The following CLTRN variants were observed in gnomAD, a reference collection of about 807,000 sequenced individuals.
The protein encoded by CLTRN is collectrin, amino acid transport regulator.
A neutral mutation model predicts 14.5 loss-of-function variants in CLTRN; 12 were observed. That is an observed-to-expected ratio of 0.83 (90% CI 0.53 to 1.34). CLTRN has a LOEUF of 1.34. Among genes scored for constraint, CLTRN ranks in the 40% most tolerant of loss-of-function variants. The pLI is 0.00. For synonymous variants in CLTRN, 58 were observed against 56.5 expected (o/e 1.03, Z -0.12); for missense variants, 154 against 165.1 (o/e 0.93, Z 0.37).
chrX:15,674,410 T>C (rs1929779534), intron 1 of CLTRN, among the ~76,000 whole-genome samples: 1 of 111,421 alleles, frequency 9.0e-6, no homozygotes, highest in East Asian at 2.8e-4. Flanking sequence ...ACTCCATGTA[T>C]CTCCCTAGCA....
chrX:15,631,488 G>C (rs1004791732), intron 5 of CLTRN, among the ~76,000 whole-genome samples: 1 of 112,040 alleles, frequency 8.9e-6, no homozygotes, highest in African/African-American at 3.2e-5. Context: ...AGAGCTAGAC[G>C]TATGTGATGA....
chrX:15,661,626 T>A (rs1365035328), intron 2 of CLTRN, among the ~76,000 whole-genome samples: 4 of 112,465 alleles, frequency 3.6e-5, no homozygotes, highest in Non-Finnish European at 7.5e-5. Context: ...TAAGAGAGGA[T>A]AAGGTAAGAG....
intron 3 of CLTRN, among the ~76,000 whole-genome samples, chrX:15,653,227 T>G (rs1877924): frequency 0.28 from 30,991 of 110,491 alleles, 3,611 homozygotes; most frequent in East Asian, 0.52. Context: ...GGGTTGGGTG[T>G]TGAAGAGTGC....
At chrX:15,649,201 A>G (rs1929160067) in intron 3 of CLTRN, among the ~76,000 whole-genome samples, 1 of 111,802 alleles carries the variant, frequency 8.9e-6, no homozygotes, top group South Asian at 3.7e-4. Context: ...GGAAGGGCAT[A>G]CAACTCCATC....
chrX:15,667,903 A>G (rs1452983119), upstream of CLTRN, among the ~76,000 whole-genome samples: 2 of 112,028 alleles, frequency 1.8e-5, no homozygotes, highest in East Asian at 5.6e-4. Flanking sequence ...TAAAAGTGAC[A>G]AATTTCTTCA....
chrX:15,653,312 G>A (rs1373159132), intron 3 of CLTRN, among the ~76,000 whole-genome samples: 1 of 109,297 alleles, frequency 9.1e-6, no homozygotes, highest in East Asian at 2.9e-4. Context: ...AATGGATCAC[G>A]GTGGCCTTTT....
chrX:15,655,256 A>C (rs988454846), intron 3 of CLTRN, among the ~76,000 whole-genome samples: 13 of 112,089 alleles, frequency 1.2e-4, no homozygotes, highest in Non-Finnish European at 2.3e-4. Context: ...TAGATAAGGA[A>C]AGGCCAAATT....
chrX:15,663,319 T>C (rs1000243344), intron 2 of CLTRN, among the ~76,000 whole-genome samples: 1 of 112,267 alleles, frequency 8.9e-6, no homozygotes, highest in East Asian at 2.8e-4. Context: ...TGCACACTAG[T>C]AGAGACAGTG....
At chrX:15,642,498 T>C (rs1474317333) in intron 4 of CLTRN, among the ~76,000 whole-genome samples, 1 of 112,522 alleles carries the variant, frequency 8.9e-6, no homozygotes, top group African/African-American at 3.2e-5. Flanking sequence ...CTATCCCCAC[T>C]TCCTAAATAG....
At chrX:15,641,636 CTGTGTGTGTGTG>C (rs56407617) in intron 4 of CLTRN, among the ~76,000 whole-genome samples, 5 of 88,485 alleles carry the variant, frequency 5.7e-5, no homozygotes, top group East Asian at 7.4e-4. Flanking sequence ...CCACACCTGG[CTGTGTGTGTGTG>C]TGTGTGTGTG....
At chrX:15,666,516 A>C (rs949260408), upstream of CLTRN, among the ~76,000 whole-genome samples, 3 of 112,459 alleles carry the variant, frequency 2.7e-5, no homozygotes, top group Non-Finnish European at 3.8e-5. Context: ...AACAACGAGG[A>C]AAATATCAAC....
At chrX:15,650,235 T>G (rs1177275454) in intron 3 of CLTRN, among the ~76,000 whole-genome samples, 2 of 108,370 alleles carry the variant, frequency 1.8e-5, no homozygotes, top group African/African-American at 6.8e-5. Flanking sequence ...ACTTTGTAAC[T>G]CTTTTGTAAA....
rs770573476 is a variant in CLTRN, at chrX:15,662,864, C to T, written c.117+1473G>A. 2.7e-5 allele frequency among the ~76,000 whole-genome samples: 3 copies of T among 111,341 alleles called. No homozygotes were observed. The South Asian group carries it at 1.1e-3, about 42-fold the overall frequency. On this transcript the variant is annotated intron_variant, in intron 2 of 5. Transcript: ENST00000380342. ...TACATCTCAAAATGAAACTCCCTAA[C>T]ACAGCCCACATATTCCTTGGCCTGC...
At chrX:15,662,112 C>A (rs1929521670) in intron 2 of CLTRN, among the ~76,000 whole-genome samples, 1 of 110,849 alleles carries the variant, frequency 9.0e-6, no homozygotes. Context: ...ACCATCAGTT[C>A]TCTTTCTCAT....
At chrX:15,640,828 G>A (rs943367411) in intron 4 of CLTRN, among the ~76,000 whole-genome samples, 2 of 112,130 alleles carry the variant, frequency 1.8e-5, no homozygotes, top group African/African-American at 6.5e-5. Flanking sequence ...AAAGTACCAA[G>A]GAGCTTACGG....
chrX:15,644,109 A>C (rs1929002602), intron 4 of CLTRN, among the ~76,000 whole-genome samples: 1 of 111,958 alleles, frequency 8.9e-6, no homozygotes, highest in African/African-American at 3.2e-5. Context: ...GATCATAAGG[A>C]GGGGAGGAGT....
In CLTRN at chrX:15,655,206, T is replaced by G. The variant is rs1455188901; in HGVS notation, c.203+3810A>C. On this transcript the variant is annotated intron_variant, in intron 3 of 5. Coordinates refer to ENST00000380342, the MANE Select transcript of CLTRN (RefSeq NM_020665.6). ...TCCCCTCCACCATGCTTCATTCTCC[T>G]CGCTTAGGGACAGGAAAGCAAGATG... Among the ~76,000 whole-genome samples, 54 of 111,905 alleles carry G rather than the reference T, an allele frequency of 4.8e-4. 1 individual carries two copies. The Admixed American group carries it at 5.1e-3, about 11-fold the overall frequency.
At chrX:15,639,531 C>T (rs998844077) in intron 5 of CLTRN, 31 bp downstream of exon 5, 1 of 1,152,848 alleles carries the variant, frequency 8.7e-7, no homozygotes, top group Non-Finnish European at 1.2e-6. Flanking sequence ...TAAGAAAATG[C>T]TCTTTCAATC....
chrX:15,632,258 G>T (rs1414737245), intron 5 of CLTRN, among the ~76,000 whole-genome samples: 3 of 112,202 alleles, frequency 2.7e-5, no homozygotes, highest in African/African-American at 9.7e-5. Flanking sequence ...AAAGCAGGAA[G>T]AGCATTTCTG....
Sources: gnomAD v4.1 joint callset for allele counts (sites outside exome capture counted in the v4.1 genomes callset) on GRCh38, gnomAD v4.1.1 for gene constraint, MANE v1.5 for transcripts, NCBI Gene and HGNC (gene_info 2026-07-23, HGNC 2026-07-21) for gene names.